BRINP3: variants seen among roughly 807,000 people sequenced by gnomAD.
The protein encoded by BRINP3 is BMP/retinoic acid inducible neural specific 3.
BRINP3 carries 19 observed loss-of-function variants against 71.0 expected under a neutral mutation model. The ratio of observed to expected loss-of-function variants is 0.27; its 90% CI spans 0.19 to 0.39. BRINP3 has a LOEUF of 0.39. BRINP3 is among the 10% of genes least tolerant of loss of function. The pLI is 1.00. For missense variants in BRINP3, 959 were observed against 940.8 expected, an observed-to-expected ratio of 1.02 and a Z score of -0.25; for synonymous variants, 380 against 337.7, an observed-to-expected ratio of 1.13 and a Z score of -1.37.
At chr1:190,125,173 G>T (rs1013548652) in intron 7 of BRINP3, among the ~76,000 whole-genome samples, 1 of 151,814 alleles carries the variant, frequency 6.6e-6, no homozygotes, top group African/African-American at 2.4e-5. Flanking sequence ...ACCAAATAAA[G>T]GTCACGCTGT....
At position 190,349,953 on chromosome 1, in the gene BRINP3, G is replaced by T. The variant is rs570008503; in HGVS notation, c.237-68203C>A. Among the ~76,000 whole-genome samples the T allele has an allele frequency of 3.1e-3, 479 of 152,154 alleles. 1 individual carries two copies. The highest frequency in any genetic ancestry group is 5.3e-3 in the Non-Finnish European group (357 of 67,988). The stretch of plus-strand genomic sequence containing the variant: ...AAAATGCTTTTTTAGTACAGCACTT[G>T]TTCTGCTGTGATATAGAGTAGTGTT... On this transcript the variant is annotated intron_variant, in intron 2 of 7. Transcript: ENST00000367462.
At chr1:190,283,838 TCAAA>T (rs1034899840) in intron 2 of BRINP3, among the ~76,000 whole-genome samples, 52 of 151,770 alleles carry the variant, frequency 3.4e-4, no homozygotes, top group South Asian at 2.1e-3. Flanking sequence ...AGGCTTATGC[TCAAA>T]CATTTAATTT....
intron 2 of BRINP3, among the ~76,000 whole-genome samples, chr1:190,290,083 A>G (rs182196789): frequency 6.6e-6 from 1 of 152,196 alleles, no homozygotes; most frequent in African/African-American, 2.4e-5. Context: ...CCTACTAGTT[A>G]GTATACACCC....
At chr1:190,294,755 A>C (rs928875777) in intron 2 of BRINP3, among the ~76,000 whole-genome samples, 6 of 152,032 alleles carry the variant, frequency 3.9e-5, no homozygotes, top group African/African-American at 1.4e-4. Context: ...CCTTCTTCAG[A>C]GAGTCTTCCA....
chr1:190,296,425 A>G (rs967062940), intron 2 of BRINP3, among the ~76,000 whole-genome samples: 3 of 152,072 alleles, frequency 2.0e-5, no homozygotes, highest in Non-Finnish European at 4.4e-5. Context: ...GTACCTCAAG[A>G]TAATAAGGAT....
At chr1:190,297,397 GT>G (rs1664332884) in intron 2 of BRINP3, among the ~76,000 whole-genome samples, 1 of 151,922 alleles carries the variant, frequency 6.6e-6, no homozygotes, top group African/African-American at 2.4e-5. Context: ...AGACTTAAAT[GT>G]AAGAACTGAA....
intron 2 of BRINP3, among the ~76,000 whole-genome samples, chr1:190,343,550 T>C (rs1006831896): frequency 6.6e-6 from 1 of 151,902 alleles, no homozygotes; most frequent in East Asian, 1.9e-4. Context: ...TAAGTGCATA[T>C]TTGAATGCCT....
chr1:190,160,404 C>T (rs1657243971), intron 7 of BRINP3, among the ~76,000 whole-genome samples: 1 of 151,658 alleles, frequency 6.6e-6, no homozygotes, highest in African/African-American at 2.4e-5. Context: ...TTGGCTACAA[C>T]ACATAATAAA....
At chr1:190,161,419 A>T (rs1310462534) in intron 6 of BRINP3, among the ~76,000 whole-genome samples, 2 of 151,660 alleles carry the variant, frequency 1.3e-5, no homozygotes, top group African/African-American at 2.4e-5. Context: ...ATATAAAATT[A>T]TAATATTAAA....
At chr1:190,473,553 T>A (rs1677287992) in intron 1 of BRINP3, among the ~76,000 whole-genome samples, 1 of 150,468 alleles carries the variant, frequency 6.6e-6, no homozygotes, top group Non-Finnish European at 1.5e-5. Context: ...TTTTTTTTTT[T>A]TTTGCTTCAC....
intron 3 of BRINP3, among the ~76,000 whole-genome samples, chr1:190,268,910 A>C (rs1661875234): frequency 6.6e-6 from 1 of 152,176 alleles, no homozygotes; most frequent in South Asian, 2.1e-4. Context: ...CTTGAGCATA[A>C]ATATTCAACA....
chr1:190,148,093 T>G lies in BRINP3; in HGVS notation c.1184+12575A>C, dbSNP rs1324588652. On this transcript the variant is annotated intron_variant, in intron 7 of 7. Coordinates refer to ENST00000367462, the MANE Select transcript of BRINP3 (RefSeq NM_199051.3). ...CTGAAATGGAGTAGCTAAAAATGAT[T>G]GATATTAACTTAGAACCATTACATA... 1.3e-5 allele frequency among the ~76,000 whole-genome samples: 2 copies of G among 152,166 alleles called. 1 individual carries two copies. The highest frequency in any genetic ancestry group is 4.8e-5 in the African/African-American group (2 of 41,446).
intron 4 of BRINP3, among the ~76,000 whole-genome samples, chr1:190,255,879 T>C (rs1213561696): frequency 3.9e-5 from 6 of 152,172 alleles, no homozygotes; most frequent in African/African-American, 1.4e-4. Flanking sequence ...ATTTTAGATC[T>C]TTCCTGCTTT....
chr1:190,223,525 G>C (rs1160162982), intron 6 of BRINP3, among the ~76,000 whole-genome samples: 1 of 151,772 alleles, frequency 6.6e-6, no homozygotes, highest in Non-Finnish European at 1.5e-5. Flanking sequence ...AATTATAAAG[G>C]CCATGTATGA....
chr1:190,346,836 G>A (rs1668053851), intron 2 of BRINP3, among the ~76,000 whole-genome samples: 2 of 151,990 alleles, frequency 1.3e-5, no homozygotes, highest in Non-Finnish European at 2.9e-5. Context: ...ATTTGTCACA[G>A]TTTTATTATT....
intron 2 of BRINP3, among the ~76,000 whole-genome samples, chr1:190,432,259 A>G (rs922612843): frequency 2.0e-5 from 3 of 152,180 alleles, no homozygotes; most frequent in African/African-American, 7.2e-5. Context: ...ACAACAGTGC[A>G]GTCATGAAAT....
chr1:190,280,840 T>C (rs1296830121), intron 3 of BRINP3, among the ~76,000 whole-genome samples: 1 of 151,930 alleles, frequency 6.6e-6, no homozygotes, highest in Non-Finnish European at 1.5e-5. Flanking sequence ...ATTAAATATA[T>C]GTAATTCTGG....
At chr1:190,302,773 C>T (rs548071595) in intron 2 of BRINP3, 169 of 151,914 alleles carry the variant, frequency 1.1e-3, no homozygotes, top group African/African-American at 3.1e-3. Flanking sequence ...AGTTCCTCTA[C>T]ATTAAGAATA....
chr1:190,124,425 A>C (rs1385304793), intron 7 of BRINP3, among the ~76,000 whole-genome samples: 1 of 152,084 alleles, frequency 6.6e-6, no homozygotes, highest in South Asian at 2.1e-4. Flanking sequence ...AGACTAAGAC[A>C]ACTTATATCC....
Sources: allele counts gnomAD v4.1 joint callset (sites outside exome capture counted in the v4.1 genomes callset), GRCh38; gene constraint gnomAD v4.1.1; transcripts MANE v1.5; gene names NCBI Gene and HGNC (gene_info 2026-07-23, HGNC 2026-07-21).